The following KLHL29 variants were observed in gnomAD, a reference collection of about 807,000 sequenced individuals.
KLHL29 encodes the protein kelch like family member 29.
In KLHL29, 21 loss-of-function variants were observed where a neutral mutation model predicts 80.4. The observed-to-expected ratio is 0.26, with a 90% CI of 0.19 to 0.38. The LOEUF is 0.38. KLHL29 is among the 10% of genes least tolerant of loss of function. The probability of loss-of-function intolerance (pLI) is 1.00; values close to 1 mark genes in which losing one functional copy is unlikely to be tolerated. For synonymous variants in KLHL29, 511 were observed against 526.8 expected, an observed-to-expected ratio of 0.97 and a Z score of 0.41; for missense variants, 867 against 1,223.9, an observed-to-expected ratio of 0.71 and a Z score of 4.35.
At chr2:23,589,187 G>A (rs1000464888) in intron 3 of KLHL29, among the ~76,000 whole-genome samples, 9 of 152,268 alleles carry the variant, frequency 5.9e-5, no homozygotes, top group Admixed American at 1.3e-4. Flanking sequence ...TTTGCGCCCC[G>A]TTCCTGGGCT....
intron 3 of KLHL29, among the ~76,000 whole-genome samples, chr2:23,603,961 G>A (rs1441207140): frequency 1.3e-5 from 2 of 152,330 alleles, no homozygotes; most frequent in Non-Finnish European, 2.9e-5. Flanking sequence ...GTTGACCATA[G>A]CACCATGAAG....
At chr2:23,411,423 GT>G (rs1558328214) in intron 1 of KLHL29, among the ~76,000 whole-genome samples, 7 of 150,246 alleles carry the variant, frequency 4.7e-5, no homozygotes, top group Admixed American at 4.6e-4. Flanking sequence ...GTGTGTGTGT[GT>G]GGTCAAGGTA....
rs552895529 is a variant in KLHL29 at position 23,631,665 on chromosome 2, A to G, written c.286-7474A>G. ...GGGATTTAACTGCGATTATCTTCTC[A>G]TTTGTAGTTCAGTAGCAATCAGGAA... On this transcript the variant is annotated intron_variant, in intron 3 of 13. Transcript: ENST00000486442. 5.1e-3 allele frequency among the ~76,000 whole-genome samples: 771 copies of G among 152,258 alleles called. 5 individuals carry two copies. Among genetic ancestry groups the G allele is most frequent in the African/African-American group, 0.017 (705 of 41,556 alleles).
At chr2:23,493,201 C>G (rs1665156930) in intron 2 of KLHL29, among the ~76,000 whole-genome samples, 1 of 152,162 alleles carries the variant, frequency 6.6e-6, no homozygotes, top group East Asian at 1.9e-4. Flanking sequence ...TTGCCCTTTC[C>G]TGTTAGCACA....
At chr2:23,588,883 A>G (rs1461472680) in intron 3 of KLHL29, among the ~76,000 whole-genome samples, 1 of 152,180 alleles carries the variant, frequency 6.6e-6, no homozygotes, top group Non-Finnish European at 1.5e-5. Flanking sequence ...AGAGAGAGGC[A>G]CCAGGAGGCA....
intron 3 of KLHL29, among the ~76,000 whole-genome samples, chr2:23,575,114 G>C (rs561315768): frequency 3.9e-5 from 6 of 152,164 alleles, no homozygotes; most frequent in African/African-American, 9.7e-5. Flanking sequence ...CTGCAGGCTC[G>C]GAGCTGCCTG....
chr2:23,467,124 G>A (rs1414672455), intron 1 of KLHL29, among the ~76,000 whole-genome samples: 1 of 152,180 alleles, frequency 6.6e-6, no homozygotes, highest in Non-Finnish European at 1.5e-5. Context: ...CCTGGATCCA[G>A]ACATCAATTC....
intron 1 of KLHL29, among the ~76,000 whole-genome samples, chr2:23,461,435 A>G (rs182215376): frequency 7.2e-5 from 11 of 152,318 alleles, no homozygotes; most frequent in South Asian, 2.1e-4. Context: ...TAAAAATTCT[A>G]TGCCTCTAGC....
rs574190352 is a variant in KLHL29 at position 23,680,380 on chromosome 2, C to A, written c.941-4019C>A. Among the ~76,000 whole-genome samples, 2 of 152,104 alleles carry A rather than the reference C, an allele frequency of 1.3e-5. No homozygotes were observed. The highest frequency in any genetic ancestry group is 4.8e-5 in the African/African-American group (2 of 41,414). ...ATGCAGGAGGAAGTGGGGAAAGGGGCAAAGAGGCCTGGGACAAAAATCTGA... is the reference window on the plus strand; with the variant it reads ...ATGCAGGAGGAAGTGGGGAAAGGGGAAAAGAGGCCTGGGACAAAAATCTGA... On this transcript the variant is annotated intron_variant, in intron 5 of 13. Transcript: ENST00000486442. The surrounding 1 kb of genome is among the most constrained non-coding windows in gnomAD (Gnocchi z 4.1).
intron 2 of KLHL29, among the ~76,000 whole-genome samples, chr2:23,486,441 G>A (rs1222113382): frequency 1.3e-5 from 2 of 151,764 alleles, no homozygotes; most frequent in Non-Finnish European, 2.9e-5. Context: ...GTTTTTATCT[G>A]CATCATGAGG....
intron 5 of KLHL29, among the ~76,000 whole-genome samples, chr2:23,671,502 G>C (rs2149176885): frequency 6.6e-6 from 1 of 152,330 alleles, no homozygotes; most frequent in East Asian, 1.9e-4. Flanking sequence ...GTTTGCATCT[G>C]TGGCTGTTGG....
intron 2 of KLHL29, among the ~76,000 whole-genome samples, chr2:23,561,205 C>T (rs1283351045): frequency 6.6e-6 from 1 of 152,222 alleles, no homozygotes; most frequent in Non-Finnish European, 1.5e-5. Flanking sequence ...CTGAGACCGA[C>T]AGCTTCCCCT....
chr2:23,508,086 A>C (rs1026263499), intron 2 of KLHL29, among the ~76,000 whole-genome samples: 1 of 152,180 alleles, frequency 6.6e-6, no homozygotes, highest in Admixed American at 6.5e-5. Flanking sequence ...CCTGGGTCTG[A>C]GGCCCCTAAG....
intron 2 of KLHL29, among the ~76,000 whole-genome samples, chr2:23,525,172 A>G (rs1172548169): frequency 6.6e-6 from 1 of 152,172 alleles, no homozygotes; most frequent in Non-Finnish European, 1.5e-5. Context: ...CTCGGCACGT[A>G]GGAGGGAGGA....
At chr2:23,654,097 G>A (rs1670165562) in intron 5 of KLHL29, among the ~76,000 whole-genome samples, 1 of 152,116 alleles carries the variant, frequency 6.6e-6, no homozygotes. Flanking sequence ...AACCCAGGAG[G>A]TAGAGGTTGC....
At chr2:23,666,587 A>T (rs186867960) in intron 5 of KLHL29, among the ~76,000 whole-genome samples, 22 of 152,336 alleles carry the variant, frequency 1.4e-4, no homozygotes, top group African/African-American at 5.3e-4. Flanking sequence ...AGCCCGGCAG[A>T]AGGGGTTGCA....
intron 1 of KLHL29, among the ~76,000 whole-genome samples, chr2:23,401,069 A>G (rs966928379): frequency 3.3e-5 from 5 of 152,310 alleles, no homozygotes; most frequent in Admixed American, 3.3e-4. Context: ...ATCCGTGTGA[A>G]AGCCAGTTTC....
At chr2:23,421,971 T>TTG (rs369842645) in intron 1 of KLHL29, among the ~76,000 whole-genome samples, 4,374 of 139,830 alleles carry the variant, frequency 0.031, 217 homozygotes, top group African/African-American at 0.12. Context: ...GTGTCATATG[T>TTG]TGTGTGTGTG....
At chr2:23,454,373 T>A (rs1164044221) in intron 1 of KLHL29, among the ~76,000 whole-genome samples, 1 of 152,206 alleles carries the variant, frequency 6.6e-6, no homozygotes, top group East Asian at 1.9e-4. Flanking sequence ...TGAGCTTAGT[T>A]AAAGATTAAA....
Sources: allele counts gnomAD v4.1 joint callset (sites outside exome capture counted in the v4.1 genomes callset), GRCh38; gene constraint gnomAD v4.1.1; non-coding constraint Gnocchi (gnomAD v3.1); transcripts MANE v1.5; gene names NCBI Gene and HGNC (gene_info 2026-07-23, HGNC 2026-07-21).